The following PRSS37 variants were observed in gnomAD, a reference collection of about 807,000 sequenced individuals.
PRSS37 encodes the protein serine protease 37.
A neutral mutation model predicts 28.0 loss-of-function variants in PRSS37; 25 were observed. The ratio of observed to expected loss-of-function variants is 0.89; its 90% CI spans 0.65 to 1.25. The LOEUF (loss-of-function observed/expected upper bound fraction) is 1.25. PRSS37 is among the 50% of genes most tolerant of loss of function. The pLI is 0.00. For missense variants in PRSS37, 282 were observed against 292.2 expected, an observed-to-expected ratio of 0.97 and a Z score of 0.25; for synonymous variants, 109 against 107.8, an observed-to-expected ratio of 1.01 and a Z score of -0.07.
chr7:141,840,748 T>C (rs12533399), intron 1 of PRSS37, among the ~76,000 whole-genome samples: 67,016 of 151,920 alleles, frequency 0.44, 15,536 homozygotes, highest in East Asian at 0.76. Flanking sequence ...TTCTCTGTTT[T>C]CTGCATTAGT....
chr7:141,839,628 G>T (rs1483390869), intron 1 of PRSS37, 149 bp from the exon 2 acceptor site: 7 of 581,544 alleles, frequency 1.2e-5, no homozygotes, highest in Non-Finnish European at 1.8e-5. Context: ...TAATAAAAAT[G>T]TAAATTAAAA....
In PRSS37 at chr7:141,837,148, A is replaced by G. The variant is rs759023969; in HGVS notation, c.531T>C (p.Cys177=). 6.2e-7 allele frequency: 1 copy of G among 1,613,060 alleles called. No individual in the cohort carries two copies. ...EQGKSHRNSL[C]VKFVKVFSRI... Reference sequence around the variant, plus strand: ...GGCTGAATACTTTCACAAATTTCACACATAAGGAATTCCTGTGGCTTTTTC... The same window carrying G: ...GGCTGAATACTTTCACAAATTTCACGCATAAGGAATTCCTGTGGCTTTTTC... Residue 177 remains cysteine, a synonymous_variant, in exon 4 of 5, where the codon TGT becomes TGC. Coordinates refer to ENST00000350549, the MANE Select transcript of PRSS37 (RefSeq NM_001008270.3).
intron 4 of PRSS37, 114 bp downstream of exon 4, chr7:141,836,998 C>T (rs1206522470): frequency 1.0e-5 from 11 of 1,095,418 alleles, no homozygotes; most frequent in Non-Finnish European, 1.5e-5. Flanking sequence ...TTGCAGCAGC[C>T]TTATCAAATT....
rs1800985003 is a variant in PRSS37 at position 141,837,108 on chromosome 7, T to C, written c.567+4A>G. On this transcript the variant is annotated splice_donor_region_variant and intron_variant, in intron 4 of 4. Coordinates refer to ENST00000350549, the MANE Select transcript of PRSS37 (RefSeq NM_001008270.3). ...ATGAAAGCTGAATATAGAGATAAGA[T>C]TACCCCAAAAATTCGGCTGAATACT... is the stretch of plus-strand genomic sequence containing the variant. 1 of 1,611,964 alleles carries C rather than the reference T, an allele frequency of 6.2e-7. No homozygotes were observed. Among genetic ancestry groups the C allele is most frequent in the Non-Finnish European group, 8.5e-7 (1 of 1,179,158 alleles).
intron 1 of PRSS37, 39 bp from the exon 2 acceptor site, chr7:141,839,518 T>C (rs780746315): frequency 1.7e-5 from 26 of 1,495,476 alleles, no homozygotes; most frequent in Non-Finnish European, 1.4e-5. Flanking sequence ...ATAAATATTA[T>C]AAAAATAAGG....
At chr7:141,838,895 T>A in intron 2 of PRSS37, 1 of 432,410 alleles carries the variant, frequency 2.3e-6, no homozygotes, top group South Asian at 1.7e-5. Flanking sequence ...GTCCCTTTAA[T>A]GTCTCCATAC....
intron 2 of PRSS37, 33 bp from the exon 3 acceptor site, chr7:141,838,146 C>A: frequency 6.2e-7 from 1 of 1,612,004 alleles, no homozygotes; most frequent in African/African-American, 1.3e-5. Flanking sequence ...TAATCATCAT[C>A]ATCATCATCA....
In PRSS37 at chr7:141,836,374, T is replaced by A; in HGVS notation, c.*21A>T. On this transcript the variant is annotated 3_prime_UTR_variant, in exon 5 of 5. Coordinates refer to ENST00000350549, the MANE Select transcript of PRSS37 (RefSeq NM_001008270.3). The stretch of plus-strand genomic sequence containing the variant: ...ATAGTCCATGGCAGAGCCAGTGGAA[T>A]GCAGAGGGAGAAGTAGGGTCTCACT... The A allele has an allele frequency of 2.5e-6, 4 of 1,612,764 alleles. No homozygotes were observed. Among genetic ancestry groups the A allele is most frequent in the Non-Finnish European group, 3.4e-6 (4 of 1,178,896 alleles).
intron 4 of PRSS37, among the ~76,000 whole-genome samples, chr7:141,836,843 G>T (rs962012214): frequency 1.3e-5 from 2 of 152,106 alleles, no homozygotes; most frequent in Non-Finnish European, 2.9e-5. Flanking sequence ...TATTTTTAAA[G>T]AAATGCCTAT....
At chr7:141,839,657 T>C (rs1801093923) in intron 1 of PRSS37, among the ~76,000 whole-genome samples, 178 bp from the exon 2 acceptor site, 1 of 152,160 alleles carries the variant, frequency 6.6e-6, no homozygotes, top group Admixed American at 6.5e-5. Context: ...CATTTTATCT[T>C]ATATTTATAA....
In PRSS37 at chr7:141,841,173, T is replaced by C. The variant is rs1396241312; in HGVS notation, c.-124A>G. The stretch of plus-strand genomic sequence containing the variant: ...TGGCTATGGTTAGATACGGAGGCAC[T>C]CCATGGGATTGGAAAGCAGCTCTGG... On this transcript the variant is annotated 5_prime_UTR_variant, in exon 1 of 5. Coordinates refer to ENST00000350549, the MANE Select transcript of PRSS37 (RefSeq NM_001008270.3). 1.2e-5 allele frequency: 19 copies of C among 1,540,364 alleles called. No individual in the cohort carries two copies. Among genetic ancestry groups the C allele is most frequent in the Middle Eastern group, 3.7e-4 (2 of 5,354 alleles).
In PRSS37 at chr7:141,839,400, G is replaced by T. The variant is rs1801085379; in HGVS notation, c.114C>A (p.Asn38Lys). The T allele has an allele frequency of 6.2e-7, 1 of 1,613,740 alleles. No homozygotes were observed. The highest frequency in any genetic ancestry group is 2.2e-5 in the East Asian group (1 of 44,902). ...GTTTGATGAGGACGCCCACACAGGG[G>T]TTGAAGTGAGACTTGAGGTACACCA... Reference protein sequence around the residue: ...PYLVYLKSHFNPCVGVLIKPS... With the variant: ...PYLVYLKSHFKPCVGVLIKPS... Residue 38 changes from asparagine to lysine, a missense_variant, in exon 2 of 5, where the codon AAC (asparagine) becomes AAA (lysine). Coordinates refer to ENST00000350549, the MANE Select transcript of PRSS37 (RefSeq NM_001008270.3).
chr7:141,840,929 T>C, intron 1 of PRSS37, 87 bp downstream of exon 1: 5 of 1,355,546 alleles, frequency 3.7e-6, no homozygotes, highest in Non-Finnish European at 5.3e-6. Context: ...TGACTCTTTT[T>C]CTGCACCCTT....
Position 141,838,015 on chromosome 7 carries a change from CTG to C in PRSS37, c.273_274del (p.Tyr91Ter). The C allele has an allele frequency of 6.2e-7, 1 of 1,614,152 alleles. No individual in the cohort carries two copies. The highest frequency in any genetic ancestry group is 8.5e-7 in the Non-Finnish European group (1 of 1,180,030). The stretch of plus-strand genomic sequence containing the variant: ...GAGGTCATCCTGTGGGGCGCTATGA[CTG>C]TAGTTCCAGTAGCGGACGATCTGAA... On this transcript the variant is annotated stop_gained and frameshift_variant, in exon 3 of 5. Coordinates refer to ENST00000350549, the MANE Select transcript of PRSS37 (RefSeq NM_001008270.3). LOFTEE classifies it high-confidence loss of function.
chr7:141,840,969 A>G lies in PRSS37; in HGVS notation c.34+47T>C, dbSNP rs73738285. Reference sequence around the variant, plus strand: ...ATCCTGCCTCTGTCTCACCCCATCCATTAAACTGTGCCTTACAGGACAGAG... The same window carrying G: ...ATCCTGCCTCTGTCTCACCCCATCCGTTAAACTGTGCCTTACAGGACAGAG... On this transcript the variant is annotated intron_variant, in intron 1 of 4. Transcript: ENST00000350549. 3,726 of 1,595,928 alleles carry G rather than the reference A, an allele frequency of 2.3e-3. 27 individuals carry two copies. Among genetic ancestry groups the G allele is most frequent in the African/African-American group, 0.021 (1,554 of 74,628 alleles).
chr7:141,837,809 C>T (rs748074394), intron 3 of PRSS37, 51 bp downstream of exon 3: 1 of 1,581,256 alleles, frequency 6.3e-7, no homozygotes, highest in Non-Finnish European at 8.6e-7. Flanking sequence ...TATGGATGTT[C>T]CTCCTAAAGG....
In PRSS37 at chr7:141,841,009, T is replaced by C; in HGVS notation, c.34+7A>G. The C allele has an allele frequency of 6.2e-7, 1 of 1,613,512 alleles. No individual in the cohort carries two copies. The highest frequency in any genetic ancestry group is 8.5e-7 in the Non-Finnish European group (1 of 1,179,492). ...ACAGGACAGAGTACAAGGTCTTGAG[T>C]ACATACCAGCGAGGACACCCAAATA... On this transcript the variant is annotated splice_region_variant and intron_variant, in intron 1 of 4. Transcript: ENST00000350549.
chr7:141,838,995 T>A (rs1264329411), intron 2 of PRSS37: 2 of 481,818 alleles, frequency 4.2e-6, no homozygotes. Context: ...AGTGATAAAA[T>A]GCATTCATAC....
intron 1 of PRSS37, among the ~76,000 whole-genome samples, chr7:141,839,993 T>C (rs1354850161): frequency 1.3e-5 from 2 of 152,112 alleles, no homozygotes; most frequent in Non-Finnish European, 2.9e-5. Context: ...AAAATTAAAC[T>C]AATTAGAATA....
Sources: allele counts gnomAD v4.1 joint callset (sites outside exome capture counted in the v4.1 genomes callset), GRCh38; gene constraint gnomAD v4.1.1; transcripts MANE v1.5; gene names NCBI Gene and HGNC (gene_info 2026-07-23, HGNC 2026-07-21).